Variants in RELB observed in about 807,000 individuals in gnomAD.
RELB encodes the protein transcription factor RelB.
RELB carries 14 observed loss-of-function variants against 55.4 expected under a neutral mutation model. The observed-to-expected ratio is 0.25, with a 90% confidence interval of 0.17 to 0.40. RELB has a LOEUF of 0.40. Ranked by LOEUF, RELB falls within the 10% of genes least tolerant of loss-of-function variation. RELB has a pLI of 1.00. For missense variants in RELB, 669 were observed against 830.7 expected, an observed-to-expected ratio of 0.81 and a Z score of 2.39; for synonymous variants, 409 against 371.3, an observed-to-expected ratio of 1.10 and a Z score of -1.17.
intron 1 of RELB, among the ~76,000 whole-genome samples, chr19:45,002,059 C>G (rs756074448): frequency 2.3e-4 from 26 of 114,518 alleles, no homozygotes; most frequent in East Asian, 9.0e-4. Context: ...AGAAGAGGGC[C>G]GGGCCTGACT....
intron 5 of RELB, among the ~76,000 whole-genome samples, chr19:45,024,981 T>A (rs551622534): frequency 6.6e-6 from 1 of 152,240 alleles, no homozygotes; most frequent in East Asian, 1.9e-4. Context: ...TGCCTCAGCC[T>A]CCCGAGTAGC....
intron 7 of RELB, among the ~76,000 whole-genome samples, chr19:45,027,226 C>T (rs918192590): frequency 3.9e-5 from 4 of 102,426 alleles, no homozygotes; most frequent in African/African-American, 1.2e-4. Context: ...GAGCGAGACT[C>T]CTTCTCAAAA....
intron 3 of RELB, among the ~76,000 whole-genome samples, chr19:45,011,138 C>T (rs1971345622): frequency 6.6e-6 from 1 of 151,930 alleles, no homozygotes; most frequent in Admixed American, 6.6e-5. Flanking sequence ...AGGCGTGAGC[C>T]ACCATGCCCA....
chr19:45,023,050 G>A (rs537916601), intron 5 of RELB, among the ~76,000 whole-genome samples: 1 of 152,240 alleles, frequency 6.6e-6, no homozygotes, highest in East Asian at 1.9e-4. Flanking sequence ...CAGAGGTAGG[G>A]CTGAGTATTG....
intron 5 of RELB, among the ~76,000 whole-genome samples, chr19:45,023,562 C>A (rs984571068): frequency 2.0e-5 from 3 of 151,272 alleles, no homozygotes; most frequent in African/African-American, 7.3e-5. Flanking sequence ...CTCAGCCTCG[C>A]AAGTAGCTGG....
At chr19:45,019,778 A>G (rs1011810113) in intron 4 of RELB, among the ~76,000 whole-genome samples, 3 of 152,062 alleles carry the variant, frequency 2.0e-5, no homozygotes, top group African/African-American at 7.2e-5. Flanking sequence ...CCAGGGTTCA[A>G]GTGATTCTCC....
intron 5 of RELB, 110 bp downstream of exon 5, chr19:45,022,320 C>G: frequency 9.1e-7 from 1 of 1,094,854 alleles, no homozygotes; most frequent in Non-Finnish European, 1.3e-6. Context: ...AAACCCTCCC[C>G]ACTGCCTCTT....
rs1568406791 is a variant in RELB at position 45,037,552 on chromosome 19, T to C, written c.1502T>C (p.Met501Thr). ...CCTACGGCCCCCACACTCTTCACCATGCTGGACCTGCTGCCCCCGGCACCG... is the reference window on the plus strand; with the variant it reads ...CCTACGGCCCCCACACTCTTCACCACGCTGGACCTGCTGCCCCCGGCACCG... ...YDPTAPTLFT[M>T]LDLLPPAPPH... The change falls in exon 12 of 12, where the codon ATG becomes ACG. Residue 501 changes from methionine (M) to threonine (T), a missense_variant. Met to Thr is a moderately conservative substitution (Grantham distance 81). This residue lies in a region of RELB where 341 missense variants were observed against 436.8 expected (regional missense o/e 0.78). Coordinates refer to ENST00000221452, the MANE Select transcript of RELB (RefSeq NM_006509.4). The C allele has an allele frequency of 1.2e-6, 2 of 1,613,038 alleles. No homozygotes were observed. Among genetic ancestry groups the C allele is most frequent in the Admixed American group, 3.3e-5 (2 of 59,964 alleles).
Position 45,022,035 on chromosome 19 carries a change from G to A in RELB, c.505-18G>A. On this transcript the variant is annotated intron_variant, in intron 4 of 11. Coordinates refer to ENST00000221452, the MANE Select transcript of RELB (RefSeq NM_006509.4). ...GCATCGGTGATGGGACCCCCAAAGA[G>A]GACTTCTCTTCCTGCAGCTCCGGGA... 1.3e-6 allele frequency: 2 copies of A among 1,599,458 alleles called. No individual in the cohort carries two copies. The highest frequency in any genetic ancestry group is 2.2e-5 in the East Asian group (1 of 44,598).
intron 2 of RELB, among the ~76,000 whole-genome samples, chr19:45,006,166 T>TG (rs1971279509): frequency 6.6e-6 from 1 of 152,062 alleles, no homozygotes; most frequent in African/African-American, 2.4e-5. Context: ...AATAACAGGG[T>TG]GGGGATACGA....
intron 2 of RELB, chr19:45,008,563 T>C: frequency 4.4e-6 from 2 of 456,132 alleles, no homozygotes; most frequent in South Asian, 3.1e-5. Flanking sequence ...CCAGCCTCAG[T>C]ATCCCCATCT....
In RELB at chr19:45,022,217, A is replaced by G; in HGVS notation, c.662+7A>G. 1.9e-6 allele frequency: 3 copies of G among 1,585,150 alleles called. No individual in the cohort carries two copies. Among genetic ancestry groups the G allele is most frequent in the Non-Finnish European group, 2.6e-6 (3 of 1,168,510 alleles). ...ACGTCAGCCCCCGGCACAGGTACCC[A>G]CCCCCTGACCTCCGACCTCTCATCC... On this transcript the variant is annotated splice_region_variant and intron_variant, in intron 5 of 11. Transcript: ENST00000221452.
intron 8 of RELB, among the ~76,000 whole-genome samples, chr19:45,031,319 C>T (rs958725868): frequency 2.6e-5 from 4 of 151,336 alleles, no homozygotes; most frequent in African/African-American, 9.7e-5. Context: ...GAGACAAGGT[C>T]TTGCTGTGTT....
At chr19:45,004,855 G>C (rs887243949) in intron 2 of RELB, among the ~76,000 whole-genome samples, 2 of 149,862 alleles carry the variant, frequency 1.3e-5, no homozygotes, top group Non-Finnish European at 3.0e-5. Flanking sequence ...CAACAAGAGT[G>C]AAACTCCGTC....
chr19:45,008,000 C>CA (rs57007961), intron 2 of RELB, among the ~76,000 whole-genome samples: 1,905 of 62,992 alleles, frequency 0.03, 23 homozygotes, highest in Non-Finnish European at 0.039. Context: ...GCTAAAAATA[C>CA]AAAAAAAAAA....
chr19:45,002,974 G>A lies in RELB; in HGVS notation c.132G>A (p.Ser44=), dbSNP rs1971232684. 7 of 1,613,216 alleles carry A rather than the reference G, an allele frequency of 4.3e-6. No homozygotes were observed. Among genetic ancestry groups the A allele is most frequent in the Non-Finnish European group, 4.2e-6 (5 of 1,179,672 alleles). Residue 44 remains serine (S), a synonymous_variant, in exon 2 of 12, where the codon TCG becomes TCA. Coordinates refer to ENST00000221452, the MANE Select transcript of RELB (RefSeq NM_006509.4). ...GGTCCCCCGACCTCTCCTCACTCTC[G>A]CTCGCCGTTTCCAGGAGCACAGGTG... ...ALGSPDLSSL[S]LAVSRSTDEL... is the part of the protein sequence containing the mutation.
chr19:45,034,163 TA>T (rs1299620258), intron 9 of RELB, 80 bp from the exon 10 acceptor site: 6 of 233,626 alleles, frequency 2.6e-5, no homozygotes, highest in Non-Finnish European at 4.1e-5. Context: ...TCTCTAAAAA[TA>T]AATAAATAAA....
intron 4 of RELB, among the ~76,000 whole-genome samples, chr19:45,020,965 A>G (rs1002423962): frequency 1.3e-5 from 2 of 152,142 alleles, no homozygotes; most frequent in Non-Finnish European, 2.9e-5. Flanking sequence ...GCTTGAGTTC[A>G]GGAGTTTGAG....
chr19:45,015,726 T>G (rs1394412901), intron 4 of RELB, among the ~76,000 whole-genome samples: 1 of 123,374 alleles, frequency 8.1e-6, no homozygotes. Flanking sequence ...CAGAGAAAGA[T>G]GCTATCTCAA....
Sources: allele counts gnomAD v4.1 joint callset (sites outside exome capture counted in the v4.1 genomes callset), GRCh38; gene constraint gnomAD v4.1.1; regional missense constraint gnomAD v4.1.1; transcripts MANE v1.5; gene names NCBI Gene and HGNC (gene_info 2026-07-23, HGNC 2026-07-21).